The following OR6N1 variants were observed in gnomAD, a reference collection of about 807,000 sequenced individuals.
OR6N1 encodes olfactory receptor 6N1.
For synonymous variants in OR6N1, 170 were observed against 150.7 expected, an observed-to-expected ratio of 1.13 and a Z score of -0.94; for missense variants, 394 against 371.7, an observed-to-expected ratio of 1.06 and a Z score of -0.49.
upstream of OR6N1, chr1:158,776,460 T>TA (rs981141502): frequency 1.0e-5 from 4 of 386,792 alleles, no homozygotes; most frequent in South Asian, 8.0e-5. Flanking sequence ...TGCTTTTTTT[T>TA]AAAAAAAGAA....
chr1:158,772,380 A>G (rs941269976), upstream of OR6N1, among the ~76,000 whole-genome samples: 1 of 152,178 alleles, frequency 6.6e-6, no homozygotes, highest in Admixed American at 6.5e-5. Context: ...TTCATTACCT[A>G]TTAGTTACTA....
the OR6N1 span, among the ~76,000 whole-genome samples, chr1:158,803,292 C>A: frequency 6.6e-6 from 1 of 152,134 alleles, no homozygotes; most frequent in African/African-American, 2.4e-5. Flanking sequence ...AATTTTTGGA[C>A]AATATGAGGG....
chr1:158,802,271 G>A, the OR6N1 span, among the ~76,000 whole-genome samples: 13 of 142,658 alleles, frequency 9.1e-5, no homozygotes, highest in African/African-American at 2.7e-4. Context: ...GCAGTGGAGC[G>A]ATCTCGGCTC....
chr1:158,795,169 G>A, the OR6N1 span, among the ~76,000 whole-genome samples: 1 of 152,164 alleles, frequency 6.6e-6, no homozygotes, highest in Non-Finnish European at 1.5e-5. Flanking sequence ...ACTCCAAACA[G>A]GCAGGGGGGT....
the OR6N1 span, among the ~76,000 whole-genome samples, chr1:158,826,978 A>G: frequency 2.0e-5 from 3 of 152,174 alleles, no homozygotes; most frequent in Non-Finnish European, 2.9e-5. Context: ...ACTTTATCCA[A>G]TGAGCAATGC....
At chr1:158,815,276 A>C in the OR6N1 span, among the ~76,000 whole-genome samples, 3 of 152,126 alleles carry the variant, frequency 2.0e-5, no homozygotes, top group Admixed American at 1.3e-4. Flanking sequence ...TGTTGCCATG[A>C]GTTGTTATAT....
the OR6N1 span, among the ~76,000 whole-genome samples, chr1:158,810,195 T>C: frequency 2.6e-5 from 4 of 152,178 alleles, no homozygotes; most frequent in African/African-American, 4.8e-5. Flanking sequence ...TCAACACCTA[T>C]GTCACTTGAG....
At chr1:158,837,546 A>G in the OR6N1 span, among the ~76,000 whole-genome samples, 1 of 151,740 alleles carries the variant, frequency 6.6e-6, no homozygotes, top group Non-Finnish European at 1.5e-5. Context: ...TAATATTTCA[A>G]TGGAATATCT....
At chr1:158,776,821 C>A (rs753611659), upstream of OR6N1, 5 of 1,613,962 alleles carry the variant, frequency 3.1e-6, no homozygotes, top group East Asian at 8.9e-5. Context: ...AGCAAGTGTT[C>A]GGTCAAGGGT....
At chr1:158,804,408 T>C in the OR6N1 span, among the ~76,000 whole-genome samples, 3 of 152,328 alleles carry the variant, frequency 2.0e-5, no homozygotes, top group Middle Eastern at 0.01. Context: ...TATTTTGTTA[T>C]TGACAAAGTT....
At chr1:158,796,409 A>G in the OR6N1 span, among the ~76,000 whole-genome samples, 1 of 152,068 alleles carries the variant, frequency 6.6e-6, no homozygotes. Flanking sequence ...TCCTTCATTT[A>G]GTTTCATTCT....
upstream of OR6N1, chr1:158,775,127 T>C (rs746791808): frequency 1.3e-5 from 2 of 152,220 alleles, no homozygotes; most frequent in African/African-American, 4.8e-5. Flanking sequence ...TCTATGTATA[T>C]ATACATAAAT....
the OR6N1 span, among the ~76,000 whole-genome samples, chr1:158,810,098 C>G: frequency 5.3e-5 from 8 of 152,224 alleles, no homozygotes; most frequent in East Asian, 5.8e-4. Flanking sequence ...AAGAGAAGAG[C>G]CTTGAGCATT....
chr1:158,787,704 T>C, the OR6N1 span, among the ~76,000 whole-genome samples: 1 of 151,410 alleles, frequency 6.6e-6, no homozygotes, highest in Non-Finnish European at 1.5e-5. Flanking sequence ...TTATTTTGAA[T>C]AGTATTTCTC....
the OR6N1 span, chr1:158,831,359 A>G: frequency 2.0e-5 from 3 of 152,234 alleles, no homozygotes; most frequent in African/African-American, 7.2e-5. Context: ...ACAGTGTAAG[A>G]AGGCCATCTA....
chr1:158,825,540 A>G, the OR6N1 span, among the ~76,000 whole-genome samples: 5 of 152,212 alleles, frequency 3.3e-5, no homozygotes, highest in Admixed American at 3.3e-4. Context: ...AACATCACTA[A>G]TAATTAGAGA....
At chr1:158,770,351 A>G (rs1384207835) in intron 1 of OR6N1, among the ~76,000 whole-genome samples, 3 of 152,194 alleles carry the variant, frequency 2.0e-5, no homozygotes, top group African/African-American at 7.2e-5. Flanking sequence ...TTTTCCACGG[A>G]AAACTAGCAC....
Position 158,765,788 on chromosome 1 carries a change from C to T in OR6N1, c.895G>A (p.Glu299Lys), listed in dbSNP as rs764943230. Residue 299 changes from glutamate to lysine, a missense_variant, in exon 2 of 2, where the codon GAG becomes AAG. By Grantham distance (56) the Glu-to-Lys change is moderately conservative (BLOSUM62 1). Coordinates refer to ENST00000641846, the MANE Select transcript of OR6N1 (RefSeq NM_001005185.2). Reference sequence around the variant, plus strand: ...CTCTTTAGCTGCCTCCTCACAGCCTCCTTGATCTCCTTGTTGCGCAAGCTG... The same window carrying T: ...CTCTTTAGCTGCCTCCTCACAGCCTTCTTGATCTCCTTGTTGCGCAAGCTG... ...IYSLRNKEIK[E>K]AVRRQLKRIG... is the part of the protein sequence containing the mutation. 1 of 1,614,180 alleles carries T rather than the reference C, an allele frequency of 6.2e-7. No individual in the cohort carries two copies. Among genetic ancestry groups the T allele is most frequent in the South Asian group, 1.1e-5 (1 of 91,084 alleles).
the OR6N1 span, among the ~76,000 whole-genome samples, chr1:158,797,913 G>A: frequency 6.6e-6 from 1 of 151,780 alleles, no homozygotes; most frequent in African/African-American, 2.4e-5. Flanking sequence ...TGCCACTGAT[G>A]TTTTCTTTCT....
Sources: gnomAD v4.1 joint callset for allele counts (sites outside exome capture counted in the v4.1 genomes callset) on GRCh38, gnomAD v4.1.1 for gene constraint, MANE v1.5 for transcripts, NCBI Gene and HGNC (gene_info 2026-07-23, HGNC 2026-07-21) for gene names.